Variants in OSBPL6 observed in about 807,000 individuals in gnomAD.
OSBPL6 encodes oxysterol binding protein like 6.
Under a neutral mutation model 125.8 loss-of-function variants are expected in OSBPL6, and 49 were observed. The observed-to-expected ratio is 0.39, with a 90% CI of 0.31 to 0.49. The LOEUF is 0.49. OSBPL6 is among the 20% of genes least tolerant of loss of function. OSBPL6 has a pLI of 0.88. For missense variants in OSBPL6, 986 were observed against 1,135.4 expected (o/e 0.87, Z 1.89); for synonymous variants, 394 against 391.8 (o/e 1.01, Z -0.07).
At chr2:178,292,530 C>G (rs547413938) in intron 2 of OSBPL6, among the ~76,000 whole-genome samples, 1 of 152,128 alleles carries the variant, frequency 6.6e-6, no homozygotes, top group Non-Finnish European at 1.5e-5. Context: ...AAAGGTTTAA[C>G]GTTTTAGAAC....
intron 4 of OSBPL6, among the ~76,000 whole-genome samples, chr2:178,325,875 A>T (rs1303021280): frequency 6.6e-6 from 1 of 152,164 alleles, no homozygotes; most frequent in Non-Finnish European, 1.5e-5. Flanking sequence ...GATATAAAGG[A>T]ATCTGGGTAG....
In OSBPL6 at chr2:178,358,182, G is replaced by A. The variant is rs143776996; in HGVS notation, c.1154-3500G>A. On this transcript the variant is annotated intron_variant, in intron 12 of 24. Transcript: ENST00000190611. ...AGCAACATGGCACATGTATACCTAT[G>A]TACCAAACCTGCACGTTGTGCACAT... 3.0e-3 allele frequency among the ~76,000 whole-genome samples: 462 copies of A among 152,170 alleles called. 2 individuals carry two copies. Among genetic ancestry groups the A allele is most frequent in the African/African-American group, 0.011 (437 of 41,504 alleles).
At chr2:178,303,031 G>A (rs905282394) in intron 2 of OSBPL6, among the ~76,000 whole-genome samples, 4 of 152,232 alleles carry the variant, frequency 2.6e-5, no homozygotes, top group Middle Eastern at 3.4e-3. Flanking sequence ...TCAAGGATCC[G>A]AGCAGTGTCT....
At chr2:178,198,416 C>T (rs1559105899) in intron 1 of OSBPL6, among the ~76,000 whole-genome samples, 2 of 151,838 alleles carry the variant, frequency 1.3e-5, no homozygotes, top group Non-Finnish European at 2.9e-5. Flanking sequence ...TCTGCCTCAG[C>T]CTCCCTAGTA....
chr2:178,392,578 GGGT>G (rs780426260), intron 23 of OSBPL6, 40 bp downstream of exon 23: 1 of 1,604,794 alleles, frequency 6.2e-7, no homozygotes, highest in Non-Finnish European at 8.5e-7. Context: ...GACTATGGCT[GGGT>G]GCAGTAGCTC....
chr2:178,251,500 AGG>A (rs1481332611), intron 1 of OSBPL6, among the ~76,000 whole-genome samples: 3 of 151,892 alleles, frequency 2.0e-5, no homozygotes, highest in African/African-American at 7.3e-5. Flanking sequence ...TAAAATGACA[AGG>A]GGCCCTTCAT....
At chr2:178,261,548 A>G (rs948944829) in intron 1 of OSBPL6, among the ~76,000 whole-genome samples, 7 of 152,230 alleles carry the variant, frequency 4.6e-5, no homozygotes, top group African/African-American at 1.4e-4. Context: ...AAAGGATCTT[A>G]AAATATTATA....
At chr2:178,216,534 A>T (rs1192807341) in intron 1 of OSBPL6, among the ~76,000 whole-genome samples, 1 of 152,202 alleles carries the variant, frequency 6.6e-6, no homozygotes, top group Non-Finnish European at 1.5e-5. Context: ...ATTGGTTGAG[A>T]ATGCTGACCA....
chr2:178,237,361 GT>G (rs1553527654), intron 1 of OSBPL6, among the ~76,000 whole-genome samples: 1 of 151,552 alleles, frequency 6.6e-6, no homozygotes, highest in Non-Finnish European at 1.5e-5. Context: ...GTTTTGTTTT[GT>G]TTTTGTCTCA....
intron 1 of OSBPL6, among the ~76,000 whole-genome samples, chr2:178,268,240 C>G (rs1344962798): frequency 6.6e-6 from 1 of 152,040 alleles, no homozygotes; most frequent in Non-Finnish European, 1.5e-5. Context: ...TGCCACCATG[C>G]CCAGCTAATT....
chr2:178,259,740 G>A (rs1037240565), intron 1 of OSBPL6, among the ~76,000 whole-genome samples: 10 of 152,166 alleles, frequency 6.6e-5, no homozygotes, highest in Admixed American at 2.6e-4. Flanking sequence ...ATTTATAACT[G>A]CCTCTGGCTT....
Position 178,250,670 on chromosome 2 carries a change from A to G in OSBPL6, c.-350-34257A>G, listed in dbSNP as rs553607701. Among the ~76,000 whole-genome samples the G allele has an allele frequency of 1.7e-4, 26 of 152,188 alleles. No homozygotes were observed. In the East Asian group the frequency reaches 5.0e-3, roughly 29 times the overall value. On this transcript the variant is annotated intron_variant, in intron 1 of 24. Coordinates refer to ENST00000190611, the MANE Select transcript of OSBPL6 (RefSeq NM_032523.4). The stretch of plus-strand genomic sequence containing the variant: ...AAACACTCCTGGGCTCCATTCTCCA[A>G]CTGAACGACTTCTGCTCCTCCTCCT...
intron 2 of OSBPL6, among the ~76,000 whole-genome samples, chr2:178,302,509 C>T (rs1686386614): frequency 6.6e-6 from 1 of 152,048 alleles, no homozygotes. Context: ...GGTGGTCAAA[C>T]ACTTGATTGA....
chr2:178,249,772 G>C (rs531565294), intron 1 of OSBPL6, among the ~76,000 whole-genome samples: 2 of 150,672 alleles, frequency 1.3e-5, no homozygotes, highest in African/African-American at 4.9e-5. Flanking sequence ...ACTGACTTTC[G>C]AGCCAATTTA....
At chr2:178,317,230 G>A (rs1559237237) in intron 3 of OSBPL6, among the ~76,000 whole-genome samples, 1 of 151,090 alleles carries the variant, frequency 6.6e-6, no homozygotes, top group African/African-American at 2.4e-5. Flanking sequence ...AAAATATAAT[G>A]AAATTGCAAA....
At chr2:178,242,578 T>C (rs923412150) in intron 1 of OSBPL6, among the ~76,000 whole-genome samples, 2 of 152,158 alleles carry the variant, frequency 1.3e-5, no homozygotes, top group Admixed American at 6.5e-5. Flanking sequence ...GAAGTTTGCA[T>C]TGAACAAAAA....
intron 1 of OSBPL6, among the ~76,000 whole-genome samples, chr2:178,215,095 C>CTT (rs2090036263): frequency 2.0e-5 from 3 of 148,550 alleles, no homozygotes; most frequent in African/African-American, 7.4e-5. Context: ...CAAAATTATC[C>CTT]TTTAAAAAAA....
chr2:178,231,810 C>G (rs929242403), intron 1 of OSBPL6, among the ~76,000 whole-genome samples: 2 of 151,998 alleles, frequency 1.3e-5, no homozygotes, highest in Non-Finnish European at 2.9e-5. Flanking sequence ...CTGTGTCCCT[C>G]TAATTAAAAA....
intron 15 of OSBPL6, among the ~76,000 whole-genome samples, chr2:178,379,344 G>A (rs1339461434): frequency 1.3e-4 from 17 of 133,926 alleles, no homozygotes; most frequent in African/African-American, 4.4e-4. Flanking sequence ...GGGAGGGAGG[G>A]AGGGAGGGAG....
Sources: gnomAD v4.1 joint callset for allele counts (sites outside exome capture counted in the v4.1 genomes callset) on GRCh38, gnomAD v4.1.1 for gene constraint, MANE v1.5 for transcripts, NCBI Gene and HGNC (gene_info 2026-07-23, HGNC 2026-07-21) for gene names.